Variants in FHIT observed in about 807,000 individuals in gnomAD.
FHIT encodes the protein fragile histidine triad diadenosine triphosphatase, also known as bis(5'-adenosyl)-triphosphatase.
FHIT carries 19 observed loss-of-function variants against 17.9 expected under a neutral mutation model. The observed-to-expected ratio is 1.06, with a 90% CI of 0.74 to 1.56. The LOEUF is 1.56. Among genes scored for constraint, FHIT ranks in the 40% most tolerant of loss-of-function variants. The pLI is 0.00. For missense variants in FHIT, 248 were observed against 189.2 expected (o/e 1.31, Z -1.82); for synonymous variants, 81 against 69.7 (o/e 1.16, Z -0.81).
intron 5 of FHIT, among the ~76,000 whole-genome samples, chr3:60,446,253 C>G (rs2031325369): frequency 6.6e-6 from 1 of 152,098 alleles, no homozygotes; most frequent in Non-Finnish European, 1.5e-5. Context: ...TCTTGGTCCT[C>G]TTTCTTGATG....
chr3:60,858,382 C>T (rs782329440), intron 3 of FHIT, among the ~76,000 whole-genome samples: 14 of 152,048 alleles, frequency 9.2e-5, no homozygotes, highest in Admixed American at 2.0e-4. Flanking sequence ...AAGCAGAGGC[C>T]GATAATGAAG....
chr3:60,051,620 C>A (rs7615959), intron 5 of FHIT, among the ~76,000 whole-genome samples: 9,138 of 152,142 alleles, frequency 0.06, 454 homozygotes, highest in African/African-American at 0.13. Flanking sequence ...TTAACTGAAC[C>A]TGGAAATCTG....
chr3:60,706,997 A>T (rs1444040469), intron 4 of FHIT, among the ~76,000 whole-genome samples: 1 of 152,212 alleles, frequency 6.6e-6, no homozygotes, highest in Non-Finnish European at 1.5e-5. Context: ...GCCGGAAGAA[A>T]ACTCTTTGAA....
At chr3:60,650,637 CT>C (rs2039968586) in intron 4 of FHIT, among the ~76,000 whole-genome samples, 1 of 152,264 alleles carries the variant, frequency 6.6e-6, no homozygotes. Context: ...ATGAGAAATA[CT>C]TTCAATAATG....
At chr3:60,303,689 C>A (rs926344676) in intron 5 of FHIT, among the ~76,000 whole-genome samples, 3 of 152,150 alleles carry the variant, frequency 2.0e-5, no homozygotes, top group African/African-American at 7.2e-5. Context: ...AGTAGACAAT[C>A]GTGCTGAGCC....
intron 8 of FHIT, among the ~76,000 whole-genome samples, chr3:59,849,345 C>A (rs1701843655): frequency 6.6e-6 from 1 of 151,918 alleles, no homozygotes; most frequent in African/African-American, 2.4e-5. Context: ...TGCGCTCCAG[C>A]CTGGGTGACA....
At chr3:61,010,886 C>T (rs1421837455) in intron 3 of FHIT, among the ~76,000 whole-genome samples, 1 of 152,044 alleles carries the variant, frequency 6.6e-6, no homozygotes, top group Non-Finnish European at 1.5e-5. Flanking sequence ...AAAAATATAA[C>T]CTAAATAATT....
intron 4 of FHIT, among the ~76,000 whole-genome samples, chr3:60,631,990 A>G (rs1553682563): frequency 6.6e-6 from 1 of 152,122 alleles, no homozygotes; most frequent in East Asian, 1.9e-4. Context: ...AAGAAACACC[A>G]CGGGTAGGAC....
chr3:60,629,035 C>T (rs1176562764), intron 4 of FHIT, among the ~76,000 whole-genome samples: 1 of 152,060 alleles, frequency 6.6e-6, no homozygotes, highest in African/African-American at 2.4e-5. Flanking sequence ...GCCTCCCATA[C>T]CCGGGGTAGA....
intron 5 of FHIT, among the ~76,000 whole-genome samples, chr3:60,196,344 A>G (rs1037833509): frequency 9.2e-5 from 14 of 152,082 alleles, no homozygotes; most frequent in African/African-American, 3.4e-4. Flanking sequence ...AGCCAGCAAC[A>G]TCAGGTCAAG....
At chr3:60,168,989 T>G (rs1701302398) in intron 5 of FHIT, among the ~76,000 whole-genome samples, 1 of 152,194 alleles carries the variant, frequency 6.6e-6, no homozygotes, top group African/African-American at 2.4e-5. Context: ...TCAGGCCCCT[T>G]CCAGAGCACT....
chr3:60,112,322 T>G (rs886504519), intron 5 of FHIT, among the ~76,000 whole-genome samples: 3 of 152,110 alleles, frequency 2.0e-5, no homozygotes, highest in African/African-American at 7.2e-5. Context: ...GGAGCCATAG[T>G]AAAATCAAGA....
intron 2 of FHIT, among the ~76,000 whole-genome samples, chr3:61,073,901 A>C (rs1479794660): frequency 6.6e-6 from 1 of 152,198 alleles, no homozygotes; most frequent in Non-Finnish European, 1.5e-5. Flanking sequence ...TACCTCCTTG[A>C]ATAGGGTCAA....
intron 2 of FHIT, among the ~76,000 whole-genome samples, chr3:61,133,596 T>C (rs988341038): frequency 8.5e-5 from 13 of 152,312 alleles, no homozygotes; most frequent in Middle Eastern, 3.4e-3. Flanking sequence ...GATTTAGGAA[T>C]CATCTATGTA....
chr3:59,904,316 TAA>T (rs35782604), intron 8 of FHIT, among the ~76,000 whole-genome samples: 1 of 130,528 alleles, frequency 7.7e-6, no homozygotes. Context: ...GGAAACTAAT[TAA>T]AAAAAAAAAA....
intron 5 of FHIT, among the ~76,000 whole-genome samples, chr3:60,480,388 C>T (rs1482587419): frequency 6.6e-6 from 1 of 152,170 alleles, no homozygotes; most frequent in African/African-American, 2.4e-5. Flanking sequence ...GTCCTTTGCA[C>T]ATTTCAAAAG....
chr3:60,561,982 T>C lies in FHIT; in HGVS notation c.-17-25003A>G, dbSNP rs182725181. Among the ~76,000 whole-genome samples the C allele has an allele frequency of 1.9e-3, 287 of 152,164 alleles. 4 individuals are homozygous for C. The highest frequency in any genetic ancestry group is 6.3e-3 in the African/African-American group (260 of 41,522). ...AGAGAGAGAAAGATAATTCTGACTC[T>C]TCCTAGGTAAAGTTATGCTTTCCAG... On this transcript the variant is annotated intron_variant, in intron 4 of 9. Transcript: ENST00000492590.
At chr3:60,884,962 T>G (rs1248806300) in intron 3 of FHIT, among the ~76,000 whole-genome samples, 2 of 149,980 alleles carry the variant, frequency 1.3e-5, no homozygotes, top group Non-Finnish European at 3.0e-5. Context: ...CAGACAAATA[T>G]TACATTCTCT....
chr3:59,893,128 CCTGA>C (rs753369216), intron 8 of FHIT, among the ~76,000 whole-genome samples: 2 of 152,198 alleles, frequency 1.3e-5, no homozygotes, highest in Non-Finnish European at 2.9e-5. Flanking sequence ...GAACATTTCA[CCTGA>C]CTAAAGTTTG....
Sources: gnomAD v4.1 joint callset for allele counts (sites outside exome capture counted in the v4.1 genomes callset) on GRCh38, gnomAD v4.1.1 for gene constraint, MANE v1.5 for transcripts, NCBI Gene and HGNC (gene_info 2026-07-23, HGNC 2026-07-21) for gene names.